KCNMB2: variants seen among roughly 807,000 people sequenced by gnomAD.
KCNMB2 encodes calcium-activated potassium channel subunit beta-2.
Under a neutral mutation model 24.5 loss-of-function variants are expected in KCNMB2, and 9 were observed. The ratio of observed to expected loss-of-function variants is 0.37; its 90% CI spans 0.22 to 0.64. KCNMB2 has a LOEUF of 0.64. Among genes scored for constraint, KCNMB2 ranks in the 30% least tolerant of loss-of-function variants. The pLI is 0.63. For synonymous variants in KCNMB2, 109 were observed against 104.4 expected, an observed-to-expected ratio of 1.04 and a Z score of -0.27; for missense variants, 226 against 284.3, an observed-to-expected ratio of 0.79 and a Z score of 1.47.
chr3:178,572,679 C>A (rs1408098335), intron 1 of KCNMB2, among the ~76,000 whole-genome samples: 2 of 152,116 alleles, frequency 1.3e-5, no homozygotes, highest in African/African-American at 4.8e-5. Context: ...AAAGGGAAAT[C>A]CTAGCATCTT....
chr3:178,551,023 T>C (rs1715935548), intron 1 of KCNMB2, among the ~76,000 whole-genome samples: 1 of 152,176 alleles, frequency 6.6e-6, no homozygotes, highest in Admixed American at 6.5e-5. Flanking sequence ...GAGACCATTT[T>C]CCACAAAGAG....
chr3:178,606,720 C>T (rs1190218749), intron 1 of KCNMB2, among the ~76,000 whole-genome samples: 2 of 152,010 alleles, frequency 1.3e-5, no homozygotes, highest in African/African-American at 4.8e-5. Flanking sequence ...GTTTGCATCC[C>T]CCCCACCAAA....
intron 1 of KCNMB2, among the ~76,000 whole-genome samples, chr3:178,695,442 G>T (rs1466984824): frequency 6.6e-6 from 1 of 152,156 alleles, no homozygotes; most frequent in Non-Finnish European, 1.5e-5. Context: ...CACGAAGTGG[G>T]TTTTCTTTTC....
At chr3:178,555,350 C>T (rs1338561212) in intron 1 of KCNMB2, among the ~76,000 whole-genome samples, 2 of 152,168 alleles carry the variant, frequency 1.3e-5, no homozygotes, top group African/African-American at 2.4e-5. Flanking sequence ...AAGTTAAGAG[C>T]GTGGGCTTTC....
intron 1 of KCNMB2, among the ~76,000 whole-genome samples, chr3:178,674,583 A>G (rs1560160406): frequency 6.6e-6 from 1 of 152,020 alleles, no homozygotes; most frequent in Admixed American, 6.6e-5. Context: ...AGCTACCTTT[A>G]TCTCTCACAT....
chr3:178,711,889 T>C (rs754422910), intron 1 of KCNMB2, among the ~76,000 whole-genome samples: 1 of 152,234 alleles, frequency 6.6e-6, no homozygotes, highest in Non-Finnish European at 1.5e-5. Context: ...ATTCCACATC[T>C]GTGGAGTGGA....
chr3:178,538,777 G>GA (rs1553809395), intron 1 of KCNMB2, among the ~76,000 whole-genome samples: 1 of 151,066 alleles, frequency 6.6e-6, no homozygotes, highest in Admixed American at 6.6e-5. Flanking sequence ...TATGGTGCTT[G>GA]TTTTTTTTTC....
At chr3:178,841,876 C>T (rs913763900) in intron 4 of KCNMB2, among the ~76,000 whole-genome samples, 5 of 151,934 alleles carry the variant, frequency 3.3e-5, no homozygotes, top group Non-Finnish European at 7.4e-5. Flanking sequence ...AAAGAGGTAG[C>T]CAAAGAAAAG....
chr3:178,700,606 A>G (rs1029766279), intron 1 of KCNMB2, among the ~76,000 whole-genome samples: 5 of 152,246 alleles, frequency 3.3e-5, no homozygotes, highest in Admixed American at 1.3e-4. Flanking sequence ...CTTACAGAAA[A>G]TAAGAATTCT....
Position 178,614,229 on chromosome 3 carries a change from C to T in KCNMB2, c.-68+77518C>T, listed in dbSNP as rs1321615067. On this transcript the variant is annotated intron_variant, in intron 1 of 4. Coordinates refer to ENST00000452583, the MANE Select transcript of KCNMB2 (RefSeq NM_181361.3). ...TTTTCACACTGCTGATAAAGACATA[C>T]CTAAGACTGGGCTAATTTTATATAT... is the stretch of plus-strand genomic sequence containing the variant. Among the ~76,000 whole-genome samples the T allele has an allele frequency of 4.1e-4, 46 of 111,736 alleles. 2 individuals are homozygous for T. The highest frequency in any genetic ancestry group is 1.3e-3 in the African/African-American group (40 of 30,034). 73.3% of individuals were successfully genotyped at this position (111,736 alleles called of 152,430 possible).
At chr3:178,652,829 T>C (rs1200794094) in intron 1 of KCNMB2, among the ~76,000 whole-genome samples, 1 of 117,730 alleles carries the variant, frequency 8.5e-6, no homozygotes, top group Admixed American at 1.0e-4. Context: ...CGCCTGGCCA[T>C]TTTTTTTGTA....
intron 2 of KCNMB2, among the ~76,000 whole-genome samples, chr3:178,817,144 G>A (rs2108460330): frequency 6.7e-6 from 1 of 149,798 alleles, no homozygotes; most frequent in East Asian, 2.0e-4. Flanking sequence ...AAGACTTCCT[G>A]GGAAGTCCCA....
chr3:178,666,374 C>T (rs868658499), intron 1 of KCNMB2, among the ~76,000 whole-genome samples: 1 of 151,996 alleles, frequency 6.6e-6, no homozygotes, highest in Non-Finnish European at 1.5e-5. Flanking sequence ...GTAAAATAAA[C>T]ACATAACAAA....
intron 1 of KCNMB2, among the ~76,000 whole-genome samples, chr3:178,782,373 T>C (rs1276892279): frequency 6.6e-6 from 1 of 150,898 alleles, no homozygotes; most frequent in Non-Finnish European, 1.5e-5. Context: ...CACACTGACT[T>C]CCACAATGGT....
chr3:178,782,432 C>A (rs1020472370), intron 1 of KCNMB2, among the ~76,000 whole-genome samples: 1 of 152,026 alleles, frequency 6.6e-6, no homozygotes, highest in African/African-American at 2.4e-5. Context: ...TCCTATTTTT[C>A]CACATCCTCT....
At chr3:178,809,470 C>T (rs1471353435) in intron 2 of KCNMB2, among the ~76,000 whole-genome samples, 1 of 152,112 alleles carries the variant, frequency 6.6e-6, no homozygotes, top group Admixed American at 6.6e-5. Context: ...GAAACTGAGG[C>T]TTTTTAAATA....
At chr3:178,821,385 T>C (rs890857409) in intron 2 of KCNMB2, among the ~76,000 whole-genome samples, 1 of 152,178 alleles carries the variant, frequency 6.6e-6, no homozygotes, top group Non-Finnish European at 1.5e-5. Flanking sequence ...TGTCTCAGGC[T>C]GTGAACACCC....
chr3:178,673,177 CA>C (rs1243747914), intron 1 of KCNMB2, among the ~76,000 whole-genome samples: 29 of 152,158 alleles, frequency 1.9e-4, no homozygotes. Context: ...AGAAAAACCT[CA>C]ACCCTAGTTA....
intron 1 of KCNMB2, among the ~76,000 whole-genome samples, chr3:178,616,329 T>C (rs1174025597): frequency 2.0e-5 from 3 of 152,250 alleles, no homozygotes; most frequent in African/African-American, 7.2e-5. Context: ...GGCAAGGTTT[T>C]CAGGCACTGA....
Sources: allele counts gnomAD v4.1 joint callset (sites outside exome capture counted in the v4.1 genomes callset), GRCh38; gene constraint gnomAD v4.1.1; transcripts MANE v1.5; gene names NCBI Gene and HGNC (gene_info 2026-07-23, HGNC 2026-07-21).